The following C1orf141 variants were observed in gnomAD, a reference collection of about 807,000 sequenced individuals.
C1orf141 encodes the protein chromosome 1 open reading frame 141.
A neutral mutation model predicts 23.2 loss-of-function variants in C1orf141; 19 were observed. The ratio of observed to expected loss-of-function variants is 0.82; its 90% CI spans 0.57 to 1.20. C1orf141 has a LOEUF of 1.20. Among genes scored for constraint, C1orf141 ranks in the 50% most tolerant of loss-of-function variants. The pLI is 0.00. For missense variants in C1orf141, 469 were observed against 455.1 expected, an observed-to-expected ratio of 1.03 and a Z score of -0.28; for synonymous variants, 153 against 154.6, an observed-to-expected ratio of 0.99 and a Z score of 0.08.
At chr1:67,123,298 T>G (rs1341742701) in intron 4 of C1orf141, 1 of 151,772 alleles carries the variant, frequency 6.6e-6, no homozygotes, top group Non-Finnish European at 1.5e-5. Flanking sequence ...ACAGCTTTTC[T>G]TTTTTTTAGT....
intron 5 of C1orf141, among the ~76,000 whole-genome samples, chr1:67,101,945 G>C (rs910540330): frequency 2.6e-5 from 4 of 152,054 alleles, no homozygotes; most frequent in Non-Finnish European, 5.9e-5. Flanking sequence ...AGTAAACAGA[G>C]GGTTGCCTAC....
At chr1:67,094,341 C>T (rs1350862392) in intron 7 of C1orf141, 1 of 152,180 alleles carries the variant, frequency 6.6e-6, no homozygotes, top group African/African-American at 2.4e-5. Context: ...TGTCCAACAC[C>T]TTAGGGAATT....
chr1:67,115,205 T>C, intron 5 of C1orf141, 147 bp downstream of exon 5: 1 of 507,100 alleles, frequency 2.0e-6, no homozygotes, highest in East Asian at 3.9e-5. Context: ...CTCTTCTTCT[T>C]AGTAAGTTCT....
chr1:67,115,994 A>G (rs900685141), intron 4 of C1orf141, among the ~76,000 whole-genome samples: 6 of 152,192 alleles, frequency 3.9e-5, no homozygotes, highest in African/African-American at 1.4e-4. Flanking sequence ...CTCAGCCCTC[A>G]GACCTCAGAT....
chr1:67,117,175 C>A (rs1357443494), intron 4 of C1orf141, among the ~76,000 whole-genome samples: 1 of 152,216 alleles, frequency 6.6e-6, no homozygotes, highest in Non-Finnish European at 1.5e-5. Flanking sequence ...GTAATCCCAA[C>A]ACTTTGAGAG....
Position 67,093,115 on chromosome 1 carries a change from A to T in C1orf141, c.1093T>A (p.Leu365Ile). Reference protein sequence around the residue: ...KPTSIPTSSALPVKCYSKPFK... With the variant: ...KPTSIPTSSAIPVKCYSKPFK... ...GGCTTTGAGTAACATTTGACAGGTAAGGCACTGGATGTGGGTATGCTCGTT... is the reference window on the plus strand; with the variant it reads ...GGCTTTGAGTAACATTTGACAGGTATGGCACTGGATGTGGGTATGCTCGTT... The change falls in exon 8 of 8, where the codon TTA (leucine) becomes ATA (isoleucine). Residue 365 changes from leucine to isoleucine, a missense_variant. Leu to Ile is a conservative substitution (Grantham distance 5). Around this residue, in one of 3 missense-constraint regions of C1orf141, gnomAD observed 370 missense variants for 348.1 expected, o/e 1.06. Coordinates refer to ENST00000684719, the MANE Select transcript of C1orf141 (RefSeq NM_001276351.2). 2 of 1,613,926 alleles carry T rather than the reference A, an allele frequency of 1.2e-6. No homozygotes were observed. The highest frequency in any genetic ancestry group is 1.7e-6 in the Non-Finnish European group (2 of 1,179,832).
At chr1:67,097,546 C>T (rs1279558051) in intron 5 of C1orf141, among the ~76,000 whole-genome samples, 1 of 152,166 alleles carries the variant, frequency 6.6e-6, no homozygotes, top group Non-Finnish European at 1.5e-5. Context: ...AAGCACATAG[C>T]AGGGCAAAGT....
At chr1:67,121,312 C>T (rs890955022) in intron 4 of C1orf141, among the ~76,000 whole-genome samples, 6 of 152,106 alleles carry the variant, frequency 3.9e-5, no homozygotes, top group African/African-American at 1.2e-4. Context: ...GTAAGGCATA[C>T]TTTTTTTGGT....
At chr1:67,110,714 T>C (rs993403097) in intron 5 of C1orf141, among the ~76,000 whole-genome samples, 27 of 151,850 alleles carry the variant, frequency 1.8e-4, no homozygotes, top group Non-Finnish European at 4.0e-4. Flanking sequence ...GTAACCTGAT[T>C]GTGACGTTAT....
At chr1:67,135,518 T>C (rs889097560), upstream of C1orf141, among the ~76,000 whole-genome samples, 30 of 152,174 alleles carry the variant, frequency 2.0e-4, no homozygotes, top group African/African-American at 7.2e-4. Flanking sequence ...CACATACCAC[T>C]TAGCATTTTT....
At chr1:67,113,316 AATGAG>A (rs1323299446) in intron 5 of C1orf141, among the ~76,000 whole-genome samples, 1 of 152,030 alleles carries the variant, frequency 6.6e-6, no homozygotes, top group East Asian at 1.9e-4. Flanking sequence ...GGAGGTAGGG[AATGAG>A]GCTGAATACA....
Position 67,093,319 on chromosome 1 carries a change from G to A in C1orf141, c.889C>T (p.Leu297=), listed in dbSNP as rs756903778. 6.2e-6 allele frequency: 10 copies of A among 1,613,432 alleles called. No individual in the cohort carries two copies. The African/African-American group carries it at 1.2e-4, about 19-fold the overall frequency. Residue 297 remains leucine, a synonymous_variant, in exon 8 of 8, where the codon CTA becomes TTA. Coordinates refer to ENST00000684719, the MANE Select transcript of C1orf141 (RefSeq NM_001276351.2). ...GTCTGCTTATTAGTTTTCTTCTTTA[G>A]TTTATCATCTACAGTTGTGTGGCCC... ...KAGHTTVDDK[L]KKKTNKQTLE... is the part of the protein sequence containing the mutation.
intron 5 of C1orf141, among the ~76,000 whole-genome samples, chr1:67,110,426 T>G (rs530090090): frequency 2.6e-5 from 4 of 152,254 alleles, no homozygotes; most frequent in African/African-American, 9.6e-5. Context: ...TGATTTTCAC[T>G]AGATAATGTT....
chr1:67,127,017 C>T (rs1646428546), intron 3 of C1orf141, 149 bp downstream of exon 3: 9 of 460,894 alleles, frequency 2.0e-5, no homozygotes. Context: ...TATTTGTATA[C>T]ATTACATTTT....
intron 5 of C1orf141, chr1:67,103,159 G>A: frequency 1.4e-6 from 1 of 727,108 alleles, no homozygotes; most frequent in Non-Finnish European, 2.0e-6. Flanking sequence ...CTTGGATAAA[G>A]ATTTTCTTAA....
intron 7 of C1orf141, 106 bp downstream of exon 7, chr1:67,095,129 G>A (rs1645645198): frequency 1.6e-6 from 1 of 643,224 alleles, no homozygotes; most frequent in South Asian, 2.6e-5. Flanking sequence ...GAAACCAAGA[G>A]GTAAAAAGGA....
chr1:67,093,214 G>T lies in C1orf141; in HGVS notation c.994C>A (p.Leu332Ile), dbSNP rs969022477. The change falls in exon 8 of 8, where the codon CTT becomes ATT. Residue 332 changes from leucine to isoleucine, a missense_variant. This residue lies in a region of C1orf141 where 370 missense variants were observed against 348.1 expected (regional missense o/e 1.06). Transcript: ENST00000684719. ...ATTTCATGAATAACAGCTTTATCAA[G>T]GTAACCCACAAATTGTTTTGTTAGG... ...SSLTKQFVGYLDKAVIHEMSA... is the reference protein window; with the variant it reads ...SSLTKQFVGYIDKAVIHEMSA... 6.2e-7 allele frequency: 1 copy of T among 1,613,812 alleles called. No homozygotes were observed.
chr1:67,133,485 T>C lies in C1orf141; in HGVS notation c.-104+1445A>G, dbSNP rs114651024. On this transcript the variant is annotated intron_variant, in intron 1 of 7. Coordinates refer to ENST00000684719, the MANE Select transcript of C1orf141 (RefSeq NM_001276351.2). The stretch of plus-strand genomic sequence containing the variant: ...TTATCTCCATCTCACATTCCAAGGA[T>C]AGACTTAGGGGAATCTTTTTTCTTT... Among the ~76,000 whole-genome samples, 585 of 152,342 alleles carry C rather than the reference T, an allele frequency of 3.8e-3. 4 individuals are homozygous for C. Among genetic ancestry groups the C allele is most frequent in the African/African-American group, 0.014 (563 of 41,580 alleles).
At chr1:67,096,569 G>T (rs1185913600) in intron 5 of C1orf141, among the ~76,000 whole-genome samples, 1 of 152,102 alleles carries the variant, frequency 6.6e-6, no homozygotes, top group African/African-American at 2.4e-5. Flanking sequence ...ATTTTTTTGT[G>T]GAAGAAAGAC....
Sources: gnomAD v4.1 joint callset for allele counts (sites outside exome capture counted in the v4.1 genomes callset) on GRCh38, gnomAD v4.1.1 for gene constraint, gnomAD v4.1.1 regional missense constraint, MANE v1.5 for transcripts, NCBI Gene and HGNC (gene_info 2026-07-23, HGNC 2026-07-21) for gene names.